The following RNF38 variants were observed in gnomAD, a reference collection of about 807,000 sequenced individuals.
The protein encoded by RNF38 is ring finger protein 38.
Under a neutral mutation model 67.2 loss-of-function variants are expected in RNF38, and 15 were observed. The ratio of observed to expected loss-of-function variants is 0.22; its 90% CI spans 0.15 to 0.34. RNF38 has a LOEUF of 0.34. Ranked by LOEUF, RNF38 falls within the 10% of genes least tolerant of loss-of-function variation. The pLI is 1.00. For missense variants in RNF38, 524 were observed against 639.9 expected, an observed-to-expected ratio of 0.82 and a Z score of 1.95; for synonymous variants, 220 against 218.8, an observed-to-expected ratio of 1.01 and a Z score of -0.05.
At chr9:36,353,028 G>A in intron 7 of RNF38, 142 bp downstream of exon 7, 1 of 811,022 alleles carries the variant, frequency 1.2e-6, no homozygotes, top group South Asian at 1.7e-5. Flanking sequence ...ATACACTCAG[G>A]TGTATTTCTA....
chr9:36,397,953 C>A (rs192592741), intron 1 of RNF38, among the ~76,000 whole-genome samples: 1 of 152,106 alleles, frequency 6.6e-6, no homozygotes, highest in Non-Finnish European at 1.5e-5. Context: ...TTTATACACT[C>A]TCTCCCTCTC....
intron 1 of RNF38, among the ~76,000 whole-genome samples, chr9:36,426,644 T>C (rs1463798715): frequency 1.3e-5 from 2 of 152,252 alleles, no homozygotes; most frequent in Non-Finnish European, 2.9e-5. Context: ...GTTGGGTCAC[T>C]TGATCTCTCT....
intron 4 of RNF38, among the ~76,000 whole-genome samples, chr9:36,369,164 T>C (rs1835186239): frequency 6.6e-6 from 1 of 152,242 alleles, no homozygotes; most frequent in East Asian, 1.9e-4. Context: ...AGTTGTCTGC[T>C]ATTTCCTACT....
upstream of RNF38, chr9:36,400,885 C>T (rs1837975105): frequency 4.1e-6 from 4 of 984,314 alleles, no homozygotes; most frequent in South Asian, 9.1e-5. Context: ...AGGGGCCCGG[C>T]CCGGCCACGC....
upstream of RNF38, chr9:36,487,632 G>C: frequency 2.1e-6 from 2 of 957,010 alleles, no homozygotes; most frequent in Non-Finnish European, 2.5e-6. Context: ...GGCCCCGGCC[G>C]GCAGCAGCGG....
chr9:36,435,919 G>A (rs1268408204), intron 1 of RNF38, among the ~76,000 whole-genome samples: 1 of 152,140 alleles, frequency 6.6e-6, no homozygotes, highest in Non-Finnish European at 1.5e-5. Flanking sequence ...GTGAGCCACC[G>A]CGCCCGGACT....
intron 1 of RNF38, among the ~76,000 whole-genome samples, chr9:36,453,328 C>A (rs904195157): frequency 6.6e-6 from 1 of 152,062 alleles, no homozygotes; most frequent in South Asian, 2.1e-4. Context: ...AATCTTGCTG[C>A]CTCAGCTTCT....
intron 1 of RNF38, among the ~76,000 whole-genome samples, chr9:36,446,671 G>C (rs191273894): frequency 6.6e-6 from 1 of 151,512 alleles, no homozygotes; most frequent in African/African-American, 2.4e-5. Flanking sequence ...AGCCAGGCAT[G>C]ATGGCCCCCG....
intron 2 of RNF38, among the ~76,000 whole-genome samples, chr9:36,407,666 C>A (rs1838215163): frequency 1.3e-5 from 2 of 152,222 alleles, no homozygotes; most frequent in African/African-American, 4.8e-5. Context: ...AACCTATACT[C>A]TTTGAAGCCA....
intron 1 of RNF38, among the ~76,000 whole-genome samples, chr9:36,467,683 GCAT>G (rs1336680938): frequency 1.3e-5 from 2 of 152,124 alleles, no homozygotes; most frequent in African/African-American, 4.8e-5. Context: ...ACACTTCCAT[GCAT>G]CATCTCTATA....
chr9:36,341,633 A>AGGCTGAGGTGGGAGGATTGC (rs1475395523), intron 11 of RNF38, among the ~76,000 whole-genome samples: 1 of 151,570 alleles, frequency 6.6e-6, no homozygotes, highest in African/African-American at 2.4e-5. Flanking sequence ...ACACTTTGGG[A>AGGCTGAGGTGGGAGGATTGC]GGCTGAGGTG....
upstream of RNF38, chr9:36,487,669 G>A (rs948231090): frequency 8.6e-5 from 62 of 719,698 alleles, no homozygotes; most frequent in African/African-American, 2.1e-4. Context: ...GGCTCCCGAA[G>A]GGGGAGGAGG....
At chr9:36,390,408 G>C in intron 2 of RNF38, 59 bp downstream of exon 2, 1 of 1,447,452 alleles carries the variant, frequency 6.9e-7, no homozygotes, top group Non-Finnish European at 9.3e-7. Context: ...AGCCTTCCTA[G>C]AAACACTGTA....
chr9:36,354,466 A>G (rs1587487338), intron 6 of RNF38, among the ~76,000 whole-genome samples: 1 of 152,280 alleles, frequency 6.6e-6, no homozygotes, highest in Middle Eastern at 3.4e-3. Flanking sequence ...CCAGCTTTCC[A>G]TTTTTATGTA....
intron 2 of RNF38, among the ~76,000 whole-genome samples, chr9:36,408,909 G>A (rs1329646421): frequency 2.0e-5 from 3 of 152,288 alleles, no homozygotes; most frequent in East Asian, 3.9e-4. Flanking sequence ...GCACATGGCC[G>A]GGTGTGGTGG....
At chr9:36,383,831 C>A (rs1173998627) in intron 2 of RNF38, among the ~76,000 whole-genome samples, 1 of 151,440 alleles carries the variant, frequency 6.6e-6, no homozygotes, top group Non-Finnish European at 1.5e-5. Flanking sequence ...AAACCGAAGC[C>A]CAAAGAAAAT....
At chr9:36,392,563 C>A (rs900908672) in intron 1 of RNF38, among the ~76,000 whole-genome samples, 1 of 151,958 alleles carries the variant, frequency 6.6e-6, no homozygotes, top group South Asian at 2.1e-4. Context: ...ATAGAGAAAA[C>A]CCCATCTCTA....
At chr9:36,413,059 CGA>C (rs1010563624) in intron 2 of RNF38, among the ~76,000 whole-genome samples, 5 of 151,258 alleles carry the variant, frequency 3.3e-5, no homozygotes, top group African/African-American at 1.2e-4. Flanking sequence ...ACAACAAGAG[CGA>C]GAGTCCATCT....
rs143088077 is a variant in RNF38, at chr9:36,356,399, T to A, written c.813A>T (p.Pro271=). The stretch of plus-strand genomic sequence containing the variant: ...AAAGGTGAGGAGGATGTATAAGAAA[T>A]GGATCACTAGAAATAAGGGGTGGGA... ...AAFPPLISSD[P]FLIHPPHLSP... The change falls in exon 6 of 12, where the codon CCA becomes CCT. Residue 271 remains proline, a synonymous_variant. Transcript: ENST00000259605. The A allele has an allele frequency of 7.3e-5, 118 of 1,613,642 alleles. No homozygotes were observed. The African/African-American group carries it at 1.5e-3, about 20-fold the overall frequency.
Sources: allele counts gnomAD v4.1 joint callset (sites outside exome capture counted in the v4.1 genomes callset), GRCh38; gene constraint gnomAD v4.1.1; transcripts MANE v1.5; gene names NCBI Gene and HGNC (gene_info 2026-07-23, HGNC 2026-07-21).